The following DNAH7 variants were observed in gnomAD, a reference collection of about 807,000 sequenced individuals.
DNAH7 encodes the protein axonemal beta dynein heavy chain 7.
Under a neutral mutation model 444.6 loss-of-function variants are expected in DNAH7, and 397 were observed. The observed-to-expected ratio is 0.89, with a 90% CI of 0.82 to 0.97. DNAH7 has a LOEUF of 0.97. Among genes scored for constraint, DNAH7 ranks in the 50% least tolerant of loss-of-function variants. The pLI is 0.00. For synonymous variants in DNAH7, 1,636 were observed against 1,624.4 expected (o/e 1.01, Z -0.17); for missense variants, 4,902 against 4,800.8 (o/e 1.02, Z -0.62).
intron 2 of DNAH7, 57 bp from the exon 3 acceptor site, chr2:196,051,306 T>C: frequency 2.2e-6 from 3 of 1,355,702 alleles, no homozygotes; most frequent in Non-Finnish European, 3.2e-6. Flanking sequence ...CTAAAATTGA[T>C]TCACTGAACC....
intron 40 of DNAH7, 93 bp from the exon 41 acceptor site, chr2:195,865,114 T>C (rs896893275): frequency 1.5e-6 from 2 of 1,293,112 alleles, no homozygotes; most frequent in African/African-American, 3.0e-5. Flanking sequence ...AATAAAAATA[T>C]TAGAAAATTT....
intron 47 of DNAH7, among the ~76,000 whole-genome samples, chr2:195,836,713 T>C (rs1388952556): frequency 6.6e-6 from 1 of 152,098 alleles, no homozygotes; most frequent in Non-Finnish European, 1.5e-5. Flanking sequence ...AATAAAAATA[T>C]AAATATATAA....
At chr2:195,759,042 AG>A (rs1174138057) in intron 61 of DNAH7, among the ~76,000 whole-genome samples, 1 of 152,222 alleles carries the variant, frequency 6.6e-6, no homozygotes. Flanking sequence ...CATGCCATCT[AG>A]TGAGACACCT....
chr2:195,827,168 C>T (rs1460386954), intron 48 of DNAH7, among the ~76,000 whole-genome samples: 1 of 152,176 alleles, frequency 6.6e-6, no homozygotes, highest in African/African-American at 2.4e-5. Context: ...GAGTGGATGG[C>T]AGGAACAACC....
At chr2:195,783,575 A>G (rs1407371725) in intron 58 of DNAH7, among the ~76,000 whole-genome samples, 1 of 152,146 alleles carries the variant, frequency 6.6e-6, no homozygotes, top group Non-Finnish European at 1.5e-5. Context: ...ATATTAGATT[A>G]ACGGCCCAAC....
At chr2:195,965,005 C>T (rs1691377281) in intron 17 of DNAH7, among the ~76,000 whole-genome samples, 1 of 152,116 alleles carries the variant, frequency 6.6e-6, no homozygotes, top group Non-Finnish European at 1.5e-5. Flanking sequence ...ACTATGTTGA[C>T]TCACAGTGGT....
At chr2:196,056,356 A>C (rs1398414762) in intron 2 of DNAH7, among the ~76,000 whole-genome samples, 1 of 151,412 alleles carries the variant, frequency 6.6e-6, no homozygotes, top group East Asian at 2.0e-4. Context: ...GAGACAGGAG[A>C]ATTGCTTGAG....
chr2:196,014,067 T>A (rs75625092), intron 9 of DNAH7, among the ~76,000 whole-genome samples: 2,347 of 152,288 alleles, frequency 0.015, 51 homozygotes, highest in African/African-American at 0.053. Context: ...TTTTACACAG[T>A]ACAATAACTT....
intron 59 of DNAH7, 28 bp from the exon 60 acceptor site, chr2:195,776,011 G>A: frequency 6.2e-7 from 1 of 1,608,654 alleles, no homozygotes. Context: ...AAGAAGTCAG[G>A]AGGTTAGAAA....
At chr2:195,952,661 A>T (rs995173371) in intron 19 of DNAH7, among the ~76,000 whole-genome samples, 5 of 151,546 alleles carry the variant, frequency 3.3e-5, no homozygotes, top group African/African-American at 1.2e-4. Flanking sequence ...TCTTGTCTTC[A>T]TGCTTTATTT....
chr2:195,994,788 T>C (rs1693584266), intron 12 of DNAH7: 10 of 468,220 alleles, frequency 2.1e-5, no homozygotes, highest in South Asian at 1.6e-4. Flanking sequence ...CTGCGGTTAA[T>C]AGTTTGAGGT....
intron 36 of DNAH7, 29 bp downstream of exon 36, chr2:195,881,766 T>C: frequency 6.3e-7 from 1 of 1,595,586 alleles, no homozygotes; most frequent in Non-Finnish European, 8.6e-7. Flanking sequence ...TTATGCACAG[T>C]TTAATACGCA....
intron 63 of DNAH7, among the ~76,000 whole-genome samples, chr2:195,748,159 G>A (rs376926535): frequency 2.6e-5 from 4 of 152,084 alleles, no homozygotes; most frequent in Admixed American, 6.6e-5. Flanking sequence ...AAATCAATGT[G>A]CAAAAATCAC....
At chr2:196,068,121 T>C (rs1330444013) in intron 1 of DNAH7, among the ~76,000 whole-genome samples, 1 of 152,194 alleles carries the variant, frequency 6.6e-6, no homozygotes, top group Non-Finnish European at 1.5e-5. Flanking sequence ...CCATGGAATA[T>C]CATCTTAAGA....
chr2:195,932,529 T>C (rs916348664), intron 21 of DNAH7, among the ~76,000 whole-genome samples: 3 of 152,156 alleles, frequency 2.0e-5, no homozygotes, highest in Non-Finnish European at 2.9e-5. Context: ...TTTTGCCCAT[T>C]CAGTATGATA....
At chr2:195,905,482 C>G (rs558465581) in intron 27 of DNAH7, 1 of 152,210 alleles carries the variant, frequency 6.6e-6, no homozygotes, top group East Asian at 1.9e-4. Context: ...CATATCAAGT[C>G]TTTTTGGTGG....
At chr2:195,860,719 A>T (rs987522074) in intron 42 of DNAH7, among the ~76,000 whole-genome samples, 26 of 152,270 alleles carry the variant, frequency 1.7e-4, no homozygotes, top group Middle Eastern at 3.4e-3. Context: ...AATATATATA[A>T]AAATCAAACT....
Position 195,828,472 on chromosome 2 carries a change from C to G in DNAH7, c.9101-4027G>C, listed in dbSNP as rs374238728. Among the ~76,000 whole-genome samples, 709 of 151,892 alleles carry G rather than the reference C, an allele frequency of 4.7e-3. 9 individuals carry two copies. The highest frequency in any genetic ancestry group is 0.016 in the African/African-American group (681 of 41,430). Reference sequence around the variant, plus strand: ...TGGTGGCTGGCGCCTGTAGTCCCAGCTACTCGGGAGGCTGAGGCAGGAAAA... The same window carrying G: ...TGGTGGCTGGCGCCTGTAGTCCCAGGTACTCGGGAGGCTGAGGCAGGAAAA... On this transcript the variant is annotated intron_variant, in intron 48 of 64. Coordinates refer to ENST00000312428, the MANE Select transcript of DNAH7 (RefSeq NM_018897.3).
chr2:195,905,581 G>C (rs933906720), intron 27 of DNAH7: 1 of 152,090 alleles, frequency 6.6e-6, no homozygotes, highest in Non-Finnish European at 1.5e-5. Context: ...AGGAGATTTG[G>C]TTTTGGATCC....
Sources: gnomAD v4.1 joint callset for allele counts (sites outside exome capture counted in the v4.1 genomes callset) on GRCh38, gnomAD v4.1.1 for gene constraint, MANE v1.5 for transcripts, NCBI Gene and HGNC (gene_info 2026-07-23, HGNC 2026-07-21) for gene names.